SRPK2: variants seen among roughly 807,000 people sequenced by gnomAD.
SRPK2 encodes the protein SRSF protein kinase 2, also known as SFRS protein kinase 2.
SRPK2 carries 21 observed loss-of-function variants against 90.8 expected under a neutral mutation model. The ratio of observed to expected loss-of-function variants is 0.23; its 90% CI spans 0.16 to 0.33. SRPK2 has a LOEUF of 0.33. Ranked by LOEUF, SRPK2 falls within the 10% of genes least tolerant of loss-of-function variation. SRPK2 has a pLI of 1.00. For synonymous variants in SRPK2, 288 were observed against 311.1 expected (o/e 0.93, Z 0.78); for missense variants, 620 against 869.0 (o/e 0.71, Z 3.60).
At chr7:105,396,017 G>A (rs1262370867) in intron 1 of SRPK2, among the ~76,000 whole-genome samples, 1 of 151,992 alleles carries the variant, frequency 6.6e-6, no homozygotes. Context: ...CCAGGTTCAA[G>A]CGATTCTCCT....
chr7:105,324,060 T>C (rs1409650229), intron 2 of SRPK2, among the ~76,000 whole-genome samples: 2 of 146,486 alleles, frequency 1.4e-5, no homozygotes. Flanking sequence ...GCAATGGCGC[T>C]ATCTTGGCTT....
intron 3 of SRPK2, among the ~76,000 whole-genome samples, chr7:105,193,220 A>C (rs544691487): frequency 6.6e-6 from 1 of 152,284 alleles, no homozygotes; most frequent in South Asian, 2.1e-4. Flanking sequence ...TTTTTGTTTA[A>C]GGTATGAAAT....
intron 2 of SRPK2, among the ~76,000 whole-genome samples, chr7:105,228,524 A>T (rs1799002307): frequency 6.6e-6 from 1 of 152,310 alleles, no homozygotes; most frequent in African/African-American, 2.4e-5. Flanking sequence ...CAACACCTTT[A>T]AAAAAAGTTT....
chr7:105,284,134 G>C (rs1807716189), intron 2 of SRPK2, among the ~76,000 whole-genome samples: 1 of 152,142 alleles, frequency 6.6e-6, no homozygotes, highest in Non-Finnish European at 1.5e-5. Flanking sequence ...TAAGAAACCG[G>C]GGCGGTCTAA....
At chr7:105,307,700 T>A (rs1488799454) in intron 2 of SRPK2, among the ~76,000 whole-genome samples, 1 of 152,228 alleles carries the variant, frequency 6.6e-6, no homozygotes, top group Non-Finnish European at 1.5e-5. Flanking sequence ...AGTGTATAAG[T>A]GGTAAGACTG....
intron 2 of SRPK2, among the ~76,000 whole-genome samples, chr7:105,367,348 G>A (rs186347633): frequency 2.6e-5 from 4 of 151,956 alleles, no homozygotes; most frequent in East Asian, 1.9e-4. Flanking sequence ...CCGCAACCTC[G>A]GCCTCCTGGG....
chr7:105,268,316 T>G (rs953473222), intron 2 of SRPK2, among the ~76,000 whole-genome samples: 11 of 152,168 alleles, frequency 7.2e-5, no homozygotes, highest in African/African-American at 2.7e-4. Context: ...ATCTGTGGGT[T>G]TGCAATTCCT....
chr7:105,171,087 G>A (rs1487434021), intron 3 of SRPK2, among the ~76,000 whole-genome samples: 1 of 151,768 alleles, frequency 6.6e-6, no homozygotes. Flanking sequence ...GGGGAGGGGA[G>A]GGGAGGGGAC....
chr7:105,285,061 T>C (rs1807875054), intron 2 of SRPK2, among the ~76,000 whole-genome samples: 1 of 152,172 alleles, frequency 6.6e-6, no homozygotes. Flanking sequence ...GCTTTGGCCA[T>C]GTACTGAGTT....
intron 2 of SRPK2, among the ~76,000 whole-genome samples, chr7:105,314,063 A>G (rs953068149): frequency 1.3e-5 from 2 of 152,094 alleles, no homozygotes; most frequent in Non-Finnish European, 2.9e-5. Flanking sequence ...TGGCAAAACC[A>G]GTTGGGCGTG....
chr7:105,171,015 G>GA (rs1554436212), intron 3 of SRPK2, among the ~76,000 whole-genome samples: 1 of 107,544 alleles, frequency 9.3e-6, no homozygotes, highest in Non-Finnish European at 2.0e-5. Context: ...GAAAGAAAGA[G>GA]AGGAAGGAAG....
At chr7:105,301,353 T>G (rs114973109) in intron 2 of SRPK2, among the ~76,000 whole-genome samples, 4,486 of 151,370 alleles carry the variant, frequency 0.03, 238 homozygotes, top group African/African-American at 0.1. Flanking sequence ...AGCTGGGCGC[T>G]GCCGAGGCCA....
At chr7:105,212,216 A>G (rs897534077) in intron 2 of SRPK2, among the ~76,000 whole-genome samples, 5 of 152,238 alleles carry the variant, frequency 3.3e-5, no homozygotes, top group African/African-American at 1.2e-4. Flanking sequence ...AGACTGACAG[A>G]AAAGTTAAAC....
At chr7:105,311,898 CTT>C (rs2131394500) in intron 2 of SRPK2, among the ~76,000 whole-genome samples, 1 of 152,244 alleles carries the variant, frequency 6.6e-6, no homozygotes, top group East Asian at 1.9e-4. Context: ...GAACTCAAAT[CTT>C]TGTGCAGGAA....
At chr7:105,203,501 G>A in intron 3 of SRPK2, 127 bp downstream of exon 3, 1 of 991,992 alleles carries the variant, frequency 1.0e-6, no homozygotes, top group Non-Finnish European at 1.4e-6. Flanking sequence ...AATGACACAA[G>A]GAGGCTAATT....
chr7:105,212,244 T>C (rs1796948111), intron 2 of SRPK2, among the ~76,000 whole-genome samples: 1 of 152,170 alleles, frequency 6.6e-6, no homozygotes. Flanking sequence ...TCCAAATGCA[T>C]GTAAAATGAC....
intron 3 of SRPK2, among the ~76,000 whole-genome samples, chr7:105,170,178 C>CT (rs942312692): frequency 1.2e-4 from 19 of 152,220 alleles, no homozygotes; most frequent in Admixed American, 1.1e-3. Flanking sequence ...TATTTAAAGA[C>CT]TTTTTTTCTC....
intron 2 of SRPK2, among the ~76,000 whole-genome samples, chr7:105,266,047 TG>T (rs1480171501): frequency 6.6e-6 from 1 of 152,134 alleles, no homozygotes; most frequent in East Asian, 1.9e-4. Context: ...CCCTACAAAA[TG>T]GCACTCTTCA....
At chr7:105,307,328 C>T (rs531830209) in intron 2 of SRPK2, among the ~76,000 whole-genome samples, 2 of 152,162 alleles carry the variant, frequency 1.3e-5, no homozygotes, top group African/African-American at 2.4e-5. Context: ...AATTCTATGA[C>T]GTTTTTAAAA....
Sources: allele counts gnomAD v4.1 joint callset (sites outside exome capture counted in the v4.1 genomes callset), GRCh38; gene constraint gnomAD v4.1.1; transcripts MANE v1.5; gene names NCBI Gene and HGNC (gene_info 2026-07-23, HGNC 2026-07-21).